Variants in FOXP1 observed in about 807,000 individuals in gnomAD.
FOXP1 encodes forkhead box protein P1.
Under a neutral mutation model 98.2 loss-of-function variants are expected in FOXP1, and 15 were observed. The ratio of observed to expected loss-of-function variants is 0.15; its 90% CI spans 0.10 to 0.24. The LOEUF (loss-of-function observed/expected upper bound fraction) is 0.24, where lower values mean the gene tolerates loss of function less well. Among genes scored for constraint, FOXP1 ranks in the 10% least tolerant of loss-of-function variants. FOXP1 has a pLI of 1.00. For missense variants in FOXP1, 633 were observed against 848.5 expected, an observed-to-expected ratio of 0.75 and a Z score of 3.15; for synonymous variants, 371 against 314.5, an observed-to-expected ratio of 1.18 and a Z score of -1.90.
chr3:71,425,325 T>C (rs2084054470), intron 3 of FOXP1, among the ~76,000 whole-genome samples: 1 of 152,156 alleles, frequency 6.6e-6, no homozygotes, highest in South Asian at 2.1e-4. Flanking sequence ...AGGATTTTAC[T>C]ATGTTGGCCC....
rs11395817 is a variant in FOXP1, at chr3:71,380,698, ATTTTTTT to A, written c.-167-21461_-167-21455del. ...CAGTTTGACTATACTCTTTTTAGAC[ATTTTTTT>A]TTTTTTTTTTTTTTGCAAAACAATC... On this transcript the variant is annotated intron_variant, in intron 3 of 20. Coordinates refer to ENST00000649528, the MANE Select transcript of FOXP1 (RefSeq NM_001349338.3). Among the ~76,000 whole-genome samples the A allele has an allele frequency of 4.1e-3, 407 of 100,298 alleles. 3 individuals are homozygous for A. The highest frequency in any genetic ancestry group is 6.1e-3 in the Non-Finnish European group (321 of 52,900). The allele number at this position is 100,298 out of a possible 152,430, so 65.8% of individuals were successfully genotyped here. A position where few individuals can be genotyped will look rare whatever the true frequency, so the allele number is the denominator to read the frequency against.
intron 3 of FOXP1, among the ~76,000 whole-genome samples, chr3:71,486,048 G>A (rs768288192): frequency 3.3e-5 from 5 of 152,002 alleles, no homozygotes; most frequent in African/African-American, 1.2e-4. Flanking sequence ...AAAGAACCAC[G>A]GAATCTATTC....
At chr3:71,494,789 A>C (rs1216407009) in intron 2 of FOXP1, among the ~76,000 whole-genome samples, 1 of 152,132 alleles carries the variant, frequency 6.6e-6, no homozygotes, top group African/African-American at 2.4e-5. Context: ...TGATACTACC[A>C]ATCATGGACC....
At chr3:71,017,015 A>C (rs2044596968) in intron 11 of FOXP1, among the ~76,000 whole-genome samples, 1 of 152,162 alleles carries the variant, frequency 6.6e-6, no homozygotes, top group Non-Finnish European at 1.5e-5. Context: ...AATAAAAAAA[A>C]AGGAAAAGAA....
At chr3:71,290,970 T>C (rs1333337112) in intron 5 of FOXP1, among the ~76,000 whole-genome samples, 1 of 152,184 alleles carries the variant, frequency 6.6e-6, no homozygotes, top group African/African-American at 2.4e-5. Context: ...GCTGACTTGC[T>C]CTCTTTAGAA....
chr3:71,206,567 C>T (rs2064049669), intron 5 of FOXP1, among the ~76,000 whole-genome samples: 1 of 151,578 alleles, frequency 6.6e-6, no homozygotes. Context: ...CAGGCTTCCC[C>T]CTTCTTCACC....
intron 17 of FOXP1, among the ~76,000 whole-genome samples, chr3:70,974,706 T>C (rs2037127163): frequency 6.6e-6 from 1 of 152,160 alleles, no homozygotes; most frequent in Non-Finnish European, 1.5e-5. Context: ...CCTTTAAAAA[T>C]CCAGACAGGG....
intron 5 of FOXP1, among the ~76,000 whole-genome samples, chr3:71,296,787 C>T (rs1430563980): frequency 1.3e-5 from 2 of 152,130 alleles, no homozygotes; most frequent in African/African-American, 4.8e-5. Context: ...TCACGAATGG[C>T]TAGTGTCCTC....
intron 11 of FOXP1, among the ~76,000 whole-genome samples, chr3:71,037,964 T>C (rs2047830594): frequency 6.6e-6 from 1 of 152,228 alleles, no homozygotes; most frequent in Admixed American, 6.5e-5. Flanking sequence ...CCCTGAATGA[T>C]TTAATTATAA....
chr3:71,130,622 T>C lies in FOXP1; in HGVS notation c.181-17985A>G, dbSNP rs1423483684. The C allele has an allele frequency of 2.5e-6, 4 of 1,598,186 alleles. No individual in the cohort carries two copies. In the African/African-American group the frequency reaches 4.0e-5, roughly 16 times the overall value. ...GGTTGCCGAGTGGTAAAAAAGATGT[T>C]TGAATAAACAGGAAGTACTGTGCGG... On this transcript the variant is annotated intron_variant, in intron 6 of 20. Coordinates refer to ENST00000649528, the MANE Select transcript of FOXP1 (RefSeq NM_001349338.3).
chr3:70,958,203 AAAAAAAG>A lies in FOXP1; in HGVS notation c.*1037_*1043del. 2.3e-5 allele frequency: 10 copies of A among 439,288 alleles called. No homozygotes were observed. The highest frequency in any genetic ancestry group is 1.5e-4 in the South Asian group (7 of 46,932). The allele number at this position is 439,288 out of a possible 1,614,324, so 27.2% of individuals were successfully genotyped here. A position where few individuals can be genotyped will look rare whatever the true frequency, so the allele number is the denominator to read the frequency against. ...ATTTATTAATGGTTGCTGCAAAAAA[AAAAAAAG>A]AAAAGAAAAGAAAAAAAGAAAATCC... On this transcript the variant is annotated 3_prime_UTR_variant, in exon 21 of 21. Coordinates refer to ENST00000649528, the MANE Select transcript of FOXP1 (RefSeq NM_001349338.3).
At chr3:71,385,123 T>A (rs2080469820) in intron 3 of FOXP1, among the ~76,000 whole-genome samples, 1 of 149,550 alleles carries the variant, frequency 6.7e-6, no homozygotes, top group African/African-American at 2.5e-5. Flanking sequence ...AAAAAAAAAA[T>A]CCTAACTGCA....
chr3:71,510,638 C>G (rs1428986933), intron 2 of FOXP1, among the ~76,000 whole-genome samples: 2 of 152,212 alleles, frequency 1.3e-5, no homozygotes, highest in African/African-American at 4.8e-5. Context: ...GCTCCTTGCT[C>G]TTCCCAGCCA....
chr3:71,499,459 T>C (rs553116648), intron 2 of FOXP1, among the ~76,000 whole-genome samples: 3 of 152,264 alleles, frequency 2.0e-5, no homozygotes, highest in African/African-American at 7.2e-5. Flanking sequence ...AGTATACATA[T>C]GTGCATATAA....
intron 3 of FOXP1, among the ~76,000 whole-genome samples, chr3:71,396,866 T>G (rs1375534040): frequency 4.9e-5 from 7 of 141,980 alleles, no homozygotes; most frequent in African/African-American, 1.6e-4. Context: ...TCAACTGTAT[T>G]CATCTCCGTA....
chr3:71,513,054 C>T lies in FOXP1; in HGVS notation c.-297-19499G>A, dbSNP rs770873782. Among the ~76,000 whole-genome samples the T allele has an allele frequency of 2.7e-4, 41 of 152,154 alleles. 1 individual carries two copies. Among genetic ancestry groups the T allele is most frequent in the Non-Finnish European group, 4.4e-5 (3 of 68,032 alleles). On this transcript the variant is annotated intron_variant, in intron 2 of 20. Transcript: ENST00000649528. ...GCCTGCTCCAGTAGCATTTACCAGG[C>T]ATTCCTAACTCCCTGGGCTCCCAAC...
At chr3:71,526,986 A>G (rs1249527631) in intron 2 of FOXP1, among the ~76,000 whole-genome samples, 2 of 151,412 alleles carry the variant, frequency 1.3e-5, no homozygotes, top group Admixed American at 1.3e-4. Flanking sequence ...AAAAAAAAAA[A>G]GTTCCCCTCT....
intron 3 of FOXP1, among the ~76,000 whole-genome samples, chr3:71,455,961 G>A (rs1004854706): frequency 6.6e-6 from 1 of 152,204 alleles, no homozygotes; most frequent in Middle Eastern, 3.4e-3. Context: ...ATTAAAACAC[G>A]ACTATAATTT....
chr3:71,251,096 G>A (rs866417905), intron 5 of FOXP1, among the ~76,000 whole-genome samples: 2 of 152,146 alleles, frequency 1.3e-5, no homozygotes, highest in Non-Finnish European at 2.9e-5. Flanking sequence ...AAAGCTTTAT[G>A]CCTGTAGATT....
Sources: allele counts gnomAD v4.1 joint callset (sites outside exome capture counted in the v4.1 genomes callset), GRCh38; gene constraint gnomAD v4.1.1; transcripts MANE v1.5; gene names NCBI Gene and HGNC (gene_info 2026-07-23, HGNC 2026-07-21).